The following FHIP1A variants were observed in gnomAD, a reference collection of about 807,000 sequenced individuals.
The protein encoded by FHIP1A is FHF complex subunit HOOK-interacting protein 1A.
Under a neutral mutation model 88.6 loss-of-function variants are expected in FHIP1A, and 61 were observed. That is an observed-to-expected ratio of 0.69 (90% CI 0.56 to 0.85). FHIP1A has a LOEUF of 0.85. FHIP1A is among the 40% of genes least tolerant of loss of function. The pLI is 0.00. For missense variants in FHIP1A, 1,154 were observed against 1,273.5 expected, an observed-to-expected ratio of 0.91 and a Z score of 1.43; for synonymous variants, 478 against 496.0, an observed-to-expected ratio of 0.96 and a Z score of 0.48.
rs557525895 is a variant in FHIP1A, at chr4:151,411,601, T to TG, written c.-356+2138dup. Among the ~76,000 whole-genome samples, 50 of 152,220 alleles carry TG rather than the reference T, an allele frequency of 3.3e-4. 1 individual carries two copies. The South Asian group carries it at 9.3e-3, about 28-fold the overall frequency. ...CTGGACTCAAGCAATCCGCCTGCCT[T>TG]GGTCTCCCAAAATTCTGGGATTACA... On this transcript the variant is annotated intron_variant, in intron 1 of 13. Transcript: ENST00000435205.
intron 2 of FHIP1A, among the ~76,000 whole-genome samples, chr4:151,466,621 A>T (rs1020732173): frequency 4.6e-5 from 7 of 152,194 alleles, no homozygotes; most frequent in Non-Finnish European, 1.0e-4. Context: ...CTGTACTGGT[A>T]CCAAAACAGA....
chr4:151,612,238 C>T (rs1433819429), intron 7 of FHIP1A, among the ~76,000 whole-genome samples: 1 of 152,158 alleles, frequency 6.6e-6, no homozygotes, highest in Non-Finnish European at 1.5e-5. Context: ...GGTTTAACTC[C>T]TGAGCTCCCA....
chr4:151,627,932 A>C (rs759614766), intron 7 of FHIP1A, among the ~76,000 whole-genome samples: 1 of 152,224 alleles, frequency 6.6e-6, no homozygotes, highest in Non-Finnish European at 1.5e-5. Flanking sequence ...CACAGTGTGC[A>C]TCCCAGGGCA....
chr4:151,582,354 C>CTT (rs777112894), intron 5 of FHIP1A, among the ~76,000 whole-genome samples: 7 of 145,706 alleles, frequency 4.8e-5, no homozygotes, highest in Non-Finnish European at 7.6e-5. Context: ...ATCTTTCTTT[C>CTT]TTTTTTTTTT....
intron 7 of FHIP1A, among the ~76,000 whole-genome samples, chr4:151,620,267 C>T (rs755066307): frequency 6.6e-6 from 1 of 152,190 alleles, no homozygotes; most frequent in Non-Finnish European, 1.5e-5. Flanking sequence ...TGTGTCCTGG[C>T]ATGGGGCTGT....
At chr4:151,559,041 G>A (rs1038102869) in intron 3 of FHIP1A, among the ~76,000 whole-genome samples, 2 of 152,048 alleles carry the variant, frequency 1.3e-5, no homozygotes, top group Non-Finnish European at 2.9e-5. Context: ...ACTCTTCTAG[G>A]TACAGATGCA....
intron 8 of FHIP1A, among the ~76,000 whole-genome samples, chr4:151,636,562 A>T (rs913605608): frequency 2.0e-5 from 3 of 152,094 alleles, no homozygotes; most frequent in Admixed American, 6.6e-5. Flanking sequence ...CAGATACAAG[A>T]TTAATGTACA....
intron 1 of FHIP1A, among the ~76,000 whole-genome samples, chr4:151,426,565 A>T (rs1733382967): frequency 6.6e-6 from 1 of 152,172 alleles, no homozygotes; most frequent in Non-Finnish European, 1.5e-5. Context: ...TGGTGAATGA[A>T]TGAAGTGGTG....
At chr4:151,412,178 A>G (rs376292012) in intron 1 of FHIP1A, among the ~76,000 whole-genome samples, 56 of 151,620 alleles carry the variant, frequency 3.7e-4, no homozygotes, top group African/African-American at 1.3e-3. Context: ...ATCTCGGCTC[A>G]CTGCAACCTC....
intron 9 of FHIP1A, among the ~76,000 whole-genome samples, chr4:151,639,418 C>T (rs1736485445): frequency 6.6e-6 from 1 of 152,170 alleles, no homozygotes; most frequent in South Asian, 2.1e-4. Flanking sequence ...CTCAGGAACA[C>T]CAAATCTTGC....
chr4:151,621,507 G>A (rs1330237688), intron 7 of FHIP1A, among the ~76,000 whole-genome samples: 6 of 133,970 alleles, frequency 4.5e-5, no homozygotes, highest in Non-Finnish European at 9.3e-5. Flanking sequence ...TTCCACTGCC[G>A]AATGATACAT....
chr4:151,634,299 T>C (rs778380546), intron 8 of FHIP1A, among the ~76,000 whole-genome samples: 1 of 151,800 alleles, frequency 6.6e-6, no homozygotes, highest in Non-Finnish European at 1.5e-5. Context: ...TGTTCATGGA[T>C]TGAAAAACTT....
In FHIP1A at chr4:151,650,447, G is replaced by A; in HGVS notation, c.2406G>A (p.Lys802=). ...GAGAAAAGGAGAAGGAGGGGAAGAAGGAGCTAGAAGATGAGGAGGATGACT... is the reference window on the plus strand; with the variant it reads ...GAGAAAAGGAGAAGGAGGGGAAGAAAGAGCTAGAAGATGAGGAGGATGACT... ...SKGEKEKEGK[K]ELEDEEDDFD... The change falls in exon 11 of 14, where the codon AAG becomes AAA. Residue 802 remains lysine (K), a synonymous_variant. Coordinates refer to ENST00000435205, the MANE Select transcript of FHIP1A (RefSeq NM_001109977.3). 1.9e-6 allele frequency: 3 copies of A among 1,551,656 alleles called. No homozygotes were observed. The South Asian group carries it at 3.6e-5, about 18-fold the overall frequency.
chr4:151,452,029 T>C (rs983536703), intron 1 of FHIP1A, among the ~76,000 whole-genome samples: 3 of 152,096 alleles, frequency 2.0e-5, no homozygotes, highest in Admixed American at 1.3e-4. Flanking sequence ...TTACGCTGCC[T>C]AGGTTGGTCT....
At chr4:151,641,053 TG>T (rs11333475) in intron 9 of FHIP1A, among the ~76,000 whole-genome samples, 43,049 of 150,848 alleles carry the variant, frequency 0.29, 6,321 homozygotes, top group Non-Finnish European at 0.33. Flanking sequence ...AATGGAATAA[TG>T]GAAAAAAAAA....
chr4:151,503,761 A>G (rs144636943), intron 3 of FHIP1A, among the ~76,000 whole-genome samples: 1 of 152,328 alleles, frequency 6.6e-6, no homozygotes, highest in East Asian at 1.9e-4. Flanking sequence ...CTCCCCAAGT[A>G]TATTAGGACA....
chr4:151,486,091 A>G (rs1193279011), intron 3 of FHIP1A, among the ~76,000 whole-genome samples: 1 of 152,112 alleles, frequency 6.6e-6, no homozygotes, highest in African/African-American at 2.4e-5. Context: ...GCATTTCACG[A>G]TAAGGTTTGC....
chr4:151,505,506 T>C (rs1290566819), intron 3 of FHIP1A, among the ~76,000 whole-genome samples: 1 of 152,226 alleles, frequency 6.6e-6, no homozygotes, highest in Non-Finnish European at 1.5e-5. Context: ...TCCAGTGTCA[T>C]TGCTAGACTT....
chr4:151,568,014 AGACAT>A (rs1336334551), intron 4 of FHIP1A, among the ~76,000 whole-genome samples: 1 of 152,160 alleles, frequency 6.6e-6, no homozygotes, highest in Admixed American at 6.5e-5. Flanking sequence ...CACTTCCCAA[AGACAT>A]GATATATCAT....
Sources: gnomAD v4.1 joint callset for allele counts (sites outside exome capture counted in the v4.1 genomes callset) on GRCh38, gnomAD v4.1.1 for gene constraint, MANE v1.5 for transcripts, NCBI Gene and HGNC (gene_info 2026-07-23, HGNC 2026-07-21) for gene names.